Variants in TNS1 observed in about 807,000 individuals in gnomAD.
The protein encoded by TNS1 is tensin 1, also known as tensin-1.
In TNS1, 62 loss-of-function variants were observed where a neutral mutation model predicts 168.6. The observed-to-expected ratio is 0.37, with a 90% CI of 0.30 to 0.45. TNS1 has a LOEUF of 0.45. Ranked by LOEUF, TNS1 falls within the 20% of genes least tolerant of loss-of-function variation. TNS1 has a pLI of 1.00. For synonymous variants in TNS1, 934 were observed against 933.2 expected (o/e 1.00, Z -0.02); for missense variants, 2,240 against 2,339.4 (o/e 0.96, Z 0.88).
chr2:217,976,860 G>A (rs1957909593), intron 3 of TNS1, among the ~76,000 whole-genome samples: 1 of 152,200 alleles, frequency 6.6e-6, no homozygotes, highest in African/African-American at 2.4e-5. Flanking sequence ...AAGAATGGCA[G>A]GCAAGGATGG....
At chr2:217,955,967 G>A (rs1278985633) in intron 3 of TNS1, among the ~76,000 whole-genome samples, 7 of 152,112 alleles carry the variant, frequency 4.6e-5, no homozygotes, top group Admixed American at 3.9e-4. Flanking sequence ...TTGTTCTGGG[G>A]CCTCTGCAGC....
At chr2:217,926,321 A>G (rs2125883973) in intron 3 of TNS1, among the ~76,000 whole-genome samples, 1 of 152,366 alleles carries the variant, frequency 6.6e-6, no homozygotes, top group South Asian at 2.1e-4. Context: ...CATATTTTCA[A>G]GAGTCATTCA....
intron 3 of TNS1, among the ~76,000 whole-genome samples, chr2:217,926,295 C>A (rs1309885435): frequency 6.6e-6 from 1 of 152,196 alleles, no homozygotes; most frequent in Non-Finnish European, 1.5e-5. Flanking sequence ...CCCAAGCAGA[C>A]TAATACCCTT....
chr2:217,823,120 C>G (rs536039453), intron 22 of TNS1, among the ~76,000 whole-genome samples: 1 of 152,226 alleles, frequency 6.6e-6, no homozygotes, highest in East Asian at 1.9e-4. Flanking sequence ...AGAAGAGCCC[C>G]CTCCTCCAGG....
intron 22 of TNS1, chr2:217,830,360 C>G: frequency 6.2e-7 from 1 of 1,614,160 alleles, no homozygotes; most frequent in Non-Finnish European, 8.5e-7. Flanking sequence ...TGCCACTGCC[C>G]ACCTACCTGG....
chr2:217,845,397 C>A (rs995077110), intron 19 of TNS1, among the ~76,000 whole-genome samples: 2 of 152,212 alleles, frequency 1.3e-5, no homozygotes, highest in African/African-American at 2.4e-5. Flanking sequence ...TCTTGTCTGT[C>A]TGCCTTTATC....
chr2:217,808,979 G>A (rs112172903), intron 30 of TNS1, among the ~76,000 whole-genome samples: 3 of 152,224 alleles, frequency 2.0e-5, no homozygotes, highest in Non-Finnish European at 4.4e-5. Context: ...TGTTAGGAGA[G>A]AGTCCAAGTG....
chr2:217,883,614 C>T (rs915101761), intron 16 of TNS1, among the ~76,000 whole-genome samples: 2 of 152,206 alleles, frequency 1.3e-5, no homozygotes, highest in Admixed American at 1.3e-4. Context: ...TCCTGACTCC[C>T]ACTACGTAAG....
upstream of TNS1, among the ~76,000 whole-genome samples, chr2:218,007,268 T>C (rs987712612): frequency 6.6e-6 from 1 of 152,138 alleles, no homozygotes; most frequent in African/African-American, 2.4e-5. Context: ...CCAGGAAAGA[T>C]TAATACCAAT....
Position 217,848,549 on chromosome 2 carries a change from C to T in TNS1, c.1968G>A (p.Gly656=), listed in dbSNP as rs775173410. The T allele has an allele frequency of 6.2e-6, 10 of 1,614,072 alleles. No homozygotes were observed. In the Admixed American group the frequency reaches 6.7e-5, roughly 11 times the overall value. Residue 656 remains glycine (G), a synonymous_variant, in exon 19 of 33, where the codon GGG becomes GGA. Coordinates refer to ENST00000682258, the MANE Select transcript of TNS1 (RefSeq NM_001387777.1). ...GTGGGGACAGGGCCTCTGGGTAGCC[C>T]CCCTCACTGGTGTTGGTGACCCCGT... ...SLDGVTNTSE[G]GYPEALSPLT...
At chr2:217,998,701 T>C (rs188392394) in intron 1 of TNS1, among the ~76,000 whole-genome samples, 23 of 152,330 alleles carry the variant, frequency 1.5e-4, no homozygotes, top group African/African-American at 4.3e-4. Flanking sequence ...GGTCTTACTA[T>C]GTTGCTCGGG....
chr2:217,889,015 A>T (rs1951493422), intron 12 of TNS1, among the ~76,000 whole-genome samples: 1 of 152,190 alleles, frequency 6.6e-6, no homozygotes, highest in Non-Finnish European at 1.5e-5. Flanking sequence ...TAGTATCCTT[A>T]TCCTTCAAGG....
intron 22 of TNS1, 47 bp from the exon 23 acceptor site, chr2:217,821,985 G>T: frequency 6.5e-7 from 1 of 1,527,794 alleles, no homozygotes; most frequent in South Asian, 1.3e-5. Flanking sequence ...ATGCACAGGG[G>T]TGCAGTGCAG....
chr2:217,903,501 A>G (rs1213935665), intron 6 of TNS1: 6 of 1,435,482 alleles, frequency 4.2e-6, no homozygotes, highest in East Asian at 2.6e-5. Flanking sequence ...ACCTTACCCA[A>G]ATGGCTTTGA....
At chr2:217,885,270 C>A in intron 15 of TNS1, 106 bp from the exon 16 acceptor site, 1 of 1,486,318 alleles carries the variant, frequency 6.7e-7, no homozygotes, top group Non-Finnish European at 9.1e-7. Context: ...AGGCTCACCC[C>A]AAACCCGGTG....
At chr2:217,941,207 G>A (rs1463562984) in intron 3 of TNS1, among the ~76,000 whole-genome samples, 2 of 152,210 alleles carry the variant, frequency 1.3e-5, no homozygotes, top group African/African-American at 2.4e-5. Context: ...GGCCAAACTG[G>A]GCAGGGGTTC....
intron 18 of TNS1, among the ~76,000 whole-genome samples, chr2:217,855,389 ATCTAACT>A (rs1948008370): frequency 6.6e-6 from 1 of 152,088 alleles, no homozygotes; most frequent in Non-Finnish European, 1.5e-5. Context: ...ATTTCCCTTA[ATCTAACT>A]TCTTCCCTAC....
intron 4 of TNS1, among the ~76,000 whole-genome samples, chr2:217,917,602 C>T (rs1292195495): frequency 4.0e-5 from 6 of 151,824 alleles, no homozygotes; most frequent in African/African-American, 7.3e-5. Context: ...GAGGCCGAGG[C>T]GGGAGGATCA....
chr2:217,850,004 T>G (rs1297007770), intron 18 of TNS1: 1 of 985,304 alleles, frequency 1.0e-6, no homozygotes, highest in Non-Finnish European at 1.2e-6. Context: ...TGCTGCCCAC[T>G]GCCACATTTC....
Sources: allele counts gnomAD v4.1 joint callset (sites outside exome capture counted in the v4.1 genomes callset), GRCh38; gene constraint gnomAD v4.1.1; transcripts MANE v1.5; gene names NCBI Gene and HGNC (gene_info 2026-07-23, HGNC 2026-07-21).